Variants in KDM1B observed in about 807,000 individuals in gnomAD.
The protein encoded by KDM1B is lysine-specific histone demethylase 2.
In KDM1B, 63 loss-of-function variants were observed where a neutral mutation model predicts 107.4. The ratio of observed to expected loss-of-function variants is 0.59; its 90% CI spans 0.48 to 0.72. KDM1B has a LOEUF of 0.72. KDM1B is among the 30% of genes least tolerant of loss of function. The pLI is 0.00. For missense variants in KDM1B, 749 were observed against 1,020.8 expected (o/e 0.73, Z 3.63); for synonymous variants, 363 against 363.9 (o/e 1.00, Z 0.03).
At chr6:18,190,319 G>T (rs528706747) in intron 9 of KDM1B, among the ~76,000 whole-genome samples, 4 of 151,270 alleles carry the variant, frequency 2.6e-5, no homozygotes, top group Non-Finnish European at 5.9e-5. Flanking sequence ...AAGGCCGGGC[G>T]CAGTGGCTCA....
intron 6 of KDM1B, among the ~76,000 whole-genome samples, chr6:18,169,704 G>A (rs754129675): frequency 4.6e-5 from 7 of 151,894 alleles, no homozygotes; most frequent in Admixed American, 6.6e-5. Flanking sequence ...CTTATAATTC[G>A]TTGCCAAATT....
In KDM1B at chr6:18,203,903, A is replaced by G. The variant is rs970086155; in HGVS notation, c.1532-1634A>G. ...GAGGCCTCTCTCAGTCTGTTTATAC[A>G]CTATCTTAGCAATCTTGGTTTTTCT... On this transcript the variant is annotated intron_variant, in intron 14 of 21. Transcript: ENST00000650836. The surrounding 1 kb of genome is among the most constrained non-coding windows in gnomAD (Gnocchi z 5.5). Among the ~76,000 whole-genome samples, 27 of 151,522 alleles carry G rather than the reference A, an allele frequency of 1.8e-4. No homozygotes were observed. The highest frequency in any genetic ancestry group is 6.5e-4 in the African/African-American group (27 of 41,300).
rs947606912 is a variant in KDM1B, at chr6:18,222,086, C to G, written c.*94C>G. On this transcript the variant is annotated 3_prime_UTR_variant, in exon 22 of 22. Coordinates refer to ENST00000650836, the MANE Select transcript of KDM1B (RefSeq NM_001364614.2). ...TTTTATAAGAGGGGGAAAAAACCGT[C>G]TCTACATAGTAAAACTGAAATGTTT... 1 of 1,086,120 alleles carries G rather than the reference C, an allele frequency of 9.2e-7. No homozygotes were observed. The highest frequency in any genetic ancestry group is 1.4e-6 in the Non-Finnish European group (1 of 700,434). The allele number at this position is 1,086,120 out of a possible 1,614,324, so 67.3% of individuals were successfully genotyped here. A position where few individuals can be genotyped will look rare whatever the true frequency, so the allele number is the denominator to read the frequency against.
intron 17 of KDM1B, among the ~76,000 whole-genome samples, chr6:18,210,461 A>G (rs1788785041): frequency 6.8e-6 from 1 of 147,474 alleles, no homozygotes; most frequent in Non-Finnish European, 1.5e-5. Flanking sequence ...GGGCTTGAGC[A>G]GTGCTCCCAC....
At chr6:18,216,646 C>A (rs866255484) in intron 20 of KDM1B, among the ~76,000 whole-genome samples, 19 of 152,246 alleles carry the variant, frequency 1.2e-4, no homozygotes, top group Middle Eastern at 3.4e-3. Flanking sequence ...GAAATAGATT[C>A]ATAAGTTTTC....
Position 18,212,297 on chromosome 6 carries a change from C to T in KDM1B, c.1867-191C>T. ...TTATTCACCATCAGGACGTTTTTTG[C>T]CCACTCTTCCCTGTGGTTGCCACTT... On this transcript the variant is annotated intron_variant, in intron 17 of 21. Coordinates refer to ENST00000650836, the MANE Select transcript of KDM1B (RefSeq NM_001364614.2). This position sits in a 1 kb window ranked among gnomAD's most constrained non-coding sequence, Gnocchi z 5.2. The T allele has an allele frequency of 4.9e-6, 3 of 616,844 alleles. No individual in the cohort carries two copies. Among genetic ancestry groups the T allele is most frequent in the Non-Finnish European group, 5.8e-6 (2 of 342,572 alleles). 38.2% of individuals were successfully genotyped at this position (616,844 alleles called of 1,614,324 possible). A position where few individuals can be genotyped will look rare whatever the true frequency, so the allele number is the denominator to read the frequency against.
In KDM1B at chr6:18,201,073, C is replaced by T. The variant is rs1033565894; in HGVS notation, c.1360-413C>T. ...GAGTTTATTTGAAGAGTTGGTAGGCCCAAGACTTTTTCTGAAATGTTTATT... is the reference window on the plus strand; with the variant it reads ...GAGTTTATTTGAAGAGTTGGTAGGCTCAAGACTTTTTCTGAAATGTTTATT... On this transcript the variant is annotated intron_variant, in intron 13 of 21. Coordinates refer to ENST00000650836, the MANE Select transcript of KDM1B (RefSeq NM_001364614.2). This position sits in a 1 kb window ranked among gnomAD's most constrained non-coding sequence, Gnocchi z 4.3. 6.6e-6 allele frequency among the ~76,000 whole-genome samples: 1 copy of T among 152,020 alleles called. No individual in the cohort carries two copies. Among genetic ancestry groups the T allele is most frequent in the Non-Finnish European group, 1.5e-5 (1 of 68,026 alleles).
intron 7 of KDM1B, among the ~76,000 whole-genome samples, chr6:18,178,288 A>G (rs573792205): frequency 6.6e-6 from 1 of 151,918 alleles, no homozygotes. Flanking sequence ...GTTTCACCAC[A>G]TTGGCCAGGC....
chr6:18,217,931 G>A, intron 21 of KDM1B, 46 bp downstream of exon 21: 1 of 1,583,240 alleles, frequency 6.3e-7, no homozygotes, highest in Non-Finnish European at 8.6e-7. Context: ...TTTGATTTCT[G>A]TCTTTCATCT....
At chr6:18,188,550 C>T (rs573993630) in intron 9 of KDM1B, among the ~76,000 whole-genome samples, 1 of 152,130 alleles carries the variant, frequency 6.6e-6, no homozygotes, top group Admixed American at 6.5e-5. Flanking sequence ...GTGATCCCAG[C>T]GAAATCACCT....
intron 12 of KDM1B, among the ~76,000 whole-genome samples, chr6:18,199,634 G>A (rs1787903221): frequency 6.6e-6 from 1 of 151,780 alleles, no homozygotes; most frequent in Non-Finnish European, 1.5e-5. Context: ...CAATAAAATA[G>A]CCTGGGTATG....
At position 18,223,409 on chromosome 6, in the gene KDM1B, C is replaced by G. The variant is rs537472322; in HGVS notation, c.*1417C>G. The G allele has an allele frequency of 5.9e-5, 8 of 136,054 alleles. No homozygotes were observed. The highest frequency in any genetic ancestry group is 1.9e-4 in the African/African-American group (7 of 36,622). The allele number at this position is 136,054 out of a possible 1,614,324, so 8.4% of individuals were successfully genotyped here. A position where few individuals can be genotyped will look rare whatever the true frequency, so the allele number is the denominator to read the frequency against. On this transcript the variant is annotated 3_prime_UTR_variant, in exon 22 of 22. Transcript: ENST00000650836. ...ACAGCTGTATATCTCAAAAGTTAAC[C>G]CAAGACAACTCTGATATTTAGGTTA...
At position 18,222,727 on chromosome 6, in the gene KDM1B, C is replaced by A. The variant is rs1405947461; in HGVS notation, c.*735C>A. On this transcript the variant is annotated 3_prime_UTR_variant, in exon 22 of 22. Transcript: ENST00000650836. ...TAGTGTGGGCTTCACACTATAGACA[C>A]AGAATATAGCTTTTTCTTAAAGCCA... 6.6e-6 allele frequency: 1 copy of A among 152,658 alleles called. No homozygotes were observed. The highest frequency in any genetic ancestry group is 1.9e-4 in the East Asian group (1 of 5,204). 9.5% of individuals were successfully genotyped at this position (152,658 alleles called of 1,614,324 possible). A position where few individuals can be genotyped will look rare whatever the true frequency, so the allele number is the denominator to read the frequency against.
At chr6:18,177,078 T>C (rs1175475135) in intron 7 of KDM1B, among the ~76,000 whole-genome samples, 1 of 152,220 alleles carries the variant, frequency 6.6e-6, no homozygotes, top group East Asian at 1.9e-4. Context: ...AGAATTCTGC[T>C]GTGAATCCAT....
chr6:18,163,801 A>G (rs1184324486), intron 5 of KDM1B, among the ~76,000 whole-genome samples: 2 of 152,186 alleles, frequency 1.3e-5, no homozygotes, highest in Non-Finnish European at 2.9e-5. Flanking sequence ...TATGATTTCT[A>G]CGTTTTAAAT....
In KDM1B at chr6:18,197,024, A is replaced by G; in HGVS notation, c.970-33A>G. 1 of 1,561,118 alleles carries G rather than the reference A, an allele frequency of 6.4e-7. No homozygotes were observed. Among genetic ancestry groups the G allele is most frequent in the Non-Finnish European group, 8.7e-7 (1 of 1,145,678 alleles). ...TGTTTGAATTTCTTGGGACTTTTTTAAAAAAGCAGTTTGGTTTTATTTCCA... is the reference window on the plus strand; with the variant it reads ...TGTTTGAATTTCTTGGGACTTTTTTGAAAAAGCAGTTTGGTTTTATTTCCA... On this transcript the variant is annotated intron_variant, in intron 10 of 21. Coordinates refer to ENST00000650836, the MANE Select transcript of KDM1B (RefSeq NM_001364614.2). This position sits in a 1 kb window ranked among gnomAD's most constrained non-coding sequence, Gnocchi z 4.5.
At position 18,212,553 on chromosome 6, in the gene KDM1B, A is replaced by T; in HGVS notation, c.1932A>T (p.Ser644=). 2 of 1,614,214 alleles carry T rather than the reference A, an allele frequency of 1.2e-6. No homozygotes were observed. Among genetic ancestry groups the T allele is most frequent in the Non-Finnish European group, 1.7e-6 (2 of 1,180,000 alleles). The change falls in exon 18 of 22, where the codon TCA becomes TCT. Residue 644 remains serine, a synonymous_variant. Coordinates refer to ENST00000650836, the MANE Select transcript of KDM1B (RefSeq NM_001364614.2). This position sits in a 1 kb window ranked among gnomAD's most constrained non-coding sequence, Gnocchi z 5.2. The part of the protein sequence containing the change: ...KGAIQFNPPL[S]EKKMKAINSL... ...CCATTCAGTTTAATCCACCGTTGTC[A>T]GAGAAGAAGATGAAGGCTATCAACA...
intron 7 of KDM1B, among the ~76,000 whole-genome samples, chr6:18,183,828 G>A (rs931900133): frequency 1.3e-5 from 2 of 151,808 alleles, no homozygotes; most frequent in Admixed American, 6.6e-5. Flanking sequence ...GTGTATTCTC[G>A]TGTTCATGAA....
intron 21 of KDM1B, among the ~76,000 whole-genome samples, chr6:18,220,510 C>T (rs754144941): frequency 6.6e-6 from 1 of 152,126 alleles, no homozygotes; most frequent in Non-Finnish European, 1.5e-5. Context: ...CACGCCACTG[C>T]ACTCCAGCCT....
Sources: allele counts gnomAD v4.1 joint callset (sites outside exome capture counted in the v4.1 genomes callset), GRCh38; gene constraint gnomAD v4.1.1; non-coding constraint Gnocchi (gnomAD v3.1); transcripts MANE v1.5; gene names NCBI Gene and HGNC (gene_info 2026-07-23, HGNC 2026-07-21).